Variants in GPHN observed in about 807,000 individuals in gnomAD.
GPHN encodes the protein gephyrin.
In GPHN, 17 loss-of-function variants were observed where a neutral mutation model predicts 95.5. The observed-to-expected ratio is 0.18, with a 90% CI of 0.12 to 0.27. The LOEUF is 0.27. Among genes scored for constraint, GPHN ranks in the 10% least tolerant of loss-of-function variants. The probability of loss-of-function intolerance (pLI) is 1.00; values close to 1 mark genes in which losing one functional copy is unlikely to be tolerated. For missense variants in GPHN, 660 were observed against 978.1 expected (o/e 0.67, Z 4.34); for synonymous variants, 320 against 322.5 (o/e 0.99, Z 0.08).
the GPHN span, chr14:67,383,838 A>T: frequency 4.1e-6 from 1 of 241,476 alleles, no homozygotes. Flanking sequence ...AGCAAACATC[A>T]AATAAATTTC....
chr14:67,258,924 C>T, the GPHN span, among the ~76,000 whole-genome samples: 2 of 152,028 alleles, frequency 1.3e-5, no homozygotes, highest in African/African-American at 4.8e-5. Flanking sequence ...TCACTGCAGC[C>T]TCCCACCTCC....
At chr14:66,777,898 C>G (rs1000298697) in intron 3 of GPHN, among the ~76,000 whole-genome samples, 20 of 152,004 alleles carry the variant, frequency 1.3e-4, no homozygotes, top group Admixed American at 5.2e-4. Context: ...GAAGCATTCC[C>G]TTTGAAAACT....
At chr14:67,451,834 G>A in the GPHN span, among the ~76,000 whole-genome samples, 30 of 152,190 alleles carry the variant, frequency 2.0e-4, no homozygotes, top group Admixed American at 3.9e-4. Context: ...TTTGAAATGC[G>A]AAGATAGGAG....
At chr14:66,592,467 A>C (rs61176533) in intron 1 of GPHN, among the ~76,000 whole-genome samples, 5 of 130,156 alleles carry the variant, frequency 3.8e-5, no homozygotes, top group African/African-American at 2.0e-4. Context: ...GAAAAAAAAA[A>C]AAACCCCGTC....
chr14:66,772,688 T>A (rs181296436), intron 2 of GPHN, among the ~76,000 whole-genome samples: 8 of 152,368 alleles, frequency 5.3e-5, no homozygotes, highest in African/African-American at 1.4e-4. Flanking sequence ...CAATTTCATA[T>A]TCTTCTTTAA....
the GPHN span, among the ~76,000 whole-genome samples, chr14:67,395,948 C>A: frequency 2.6e-5 from 4 of 152,124 alleles, no homozygotes; most frequent in Admixed American, 1.3e-4. Flanking sequence ...GAACACAAAC[C>A]CCAGCTCTGC....
At chr14:67,266,267 T>A in the GPHN span, among the ~76,000 whole-genome samples, 1 of 152,230 alleles carries the variant, frequency 6.6e-6, no homozygotes, top group African/African-American at 2.4e-5. Flanking sequence ...TATTTTTGTT[T>A]AGGTTGTGCC....
the GPHN span, among the ~76,000 whole-genome samples, chr14:67,476,011 G>A: frequency 6.6e-6 from 1 of 152,358 alleles, no homozygotes; most frequent in East Asian, 1.9e-4. Context: ...TCATGTGGAG[G>A]GAGGTGTGGG....
chr14:67,333,880 A>C, the GPHN span: 1 of 152,580 alleles, frequency 6.6e-6, no homozygotes, highest in Admixed American at 6.5e-5. Flanking sequence ...CACATTTGAC[A>C]GTTTTTGCAT....
At chr14:67,355,161 G>T in the GPHN span, among the ~76,000 whole-genome samples, 3 of 151,962 alleles carry the variant, frequency 2.0e-5, no homozygotes, top group Non-Finnish European at 4.4e-5. Flanking sequence ...TAAAAGTGTG[G>T]TATTAACATG....
At chr14:66,526,201 A>AAC (rs1212687810) in intron 1 of GPHN, among the ~76,000 whole-genome samples, 1 of 152,046 alleles carries the variant, frequency 6.6e-6, no homozygotes, top group African/African-American at 2.4e-5. Flanking sequence ...GGTCCTTCAC[A>AAC]TCCGTTGTAA....
intron 9 of GPHN, among the ~76,000 whole-genome samples, chr14:66,972,846 G>A (rs1376459988): frequency 1.3e-5 from 2 of 152,094 alleles, no homozygotes; most frequent in Non-Finnish European, 2.9e-5. Context: ...AGATGGCAGT[G>A]AATAGAACAG....
the GPHN span, among the ~76,000 whole-genome samples, chr14:67,625,735 C>CT: frequency 8.6e-6 from 1 of 115,964 alleles, no homozygotes; most frequent in East Asian, 2.9e-4. Context: ...TAATGAAAAA[C>CT]CAAAAAAAAA....
At chr14:67,580,780 G>C in the GPHN span, 1 of 585,110 alleles carries the variant, frequency 1.7e-6, no homozygotes, top group Non-Finnish European at 3.1e-6. Flanking sequence ...TGCCACCTTG[G>C]GTCCAGGAAG....
chr14:66,520,479 A>G (rs1275606060), intron 1 of GPHN, among the ~76,000 whole-genome samples: 1 of 152,136 alleles, frequency 6.6e-6, no homozygotes, highest in Non-Finnish European at 1.5e-5. Context: ...CATAGATTAC[A>G]GAGGAGGAGC....
intron 1 of GPHN, among the ~76,000 whole-genome samples, chr14:66,676,400 C>T (rs1290919666): frequency 6.6e-6 from 1 of 151,900 alleles, no homozygotes; most frequent in Non-Finnish European, 1.5e-5. Context: ...TTCTTAAAGG[C>T]TTTTAGCTTT....
intron 5 of GPHN, among the ~76,000 whole-genome samples, chr14:66,906,314 T>C (rs2065378212): frequency 6.6e-6 from 1 of 152,190 alleles, no homozygotes; most frequent in South Asian, 2.1e-4. Context: ...CTCAGGTATA[T>C]TTGTTCCTTC....
At chr14:67,372,835 AAAC>A in the GPHN span, among the ~76,000 whole-genome samples, 50 of 152,140 alleles carry the variant, frequency 3.3e-4, no homozygotes, top group African/African-American at 1.2e-3. Flanking sequence ...TCAAAAAAAA[AAAC>A]AAAAAACAAA....
At chr14:66,829,488 A>G (rs975387038) in intron 4 of GPHN, among the ~76,000 whole-genome samples, 3 of 152,184 alleles carry the variant, frequency 2.0e-5, no homozygotes, top group African/African-American at 7.2e-5. Context: ...ACTCATTTCT[A>G]TACAAAGTAT....
Sources: gnomAD v4.1 joint callset for allele counts (sites outside exome capture counted in the v4.1 genomes callset) on GRCh38, gnomAD v4.1.1 for gene constraint, MANE v1.5 for transcripts, NCBI Gene and HGNC (gene_info 2026-07-23, HGNC 2026-07-21) for gene names.